The following DYSF variants were observed in gnomAD, a reference collection of about 807,000 sequenced individuals.
The protein encoded by DYSF is dysferlin.
A neutral mutation model predicts 274.9 loss-of-function variants in DYSF; 212 were observed. The observed-to-expected ratio is 0.77, with a 90% CI of 0.69 to 0.86. DYSF has a LOEUF of 0.86. Ranked by LOEUF, DYSF falls within the 40% of genes least tolerant of loss-of-function variation. The pLI is 0.00. For synonymous variants in DYSF, 1,091 were observed against 1,078.7 expected, an observed-to-expected ratio of 1.01 and a Z score of -0.22; for missense variants, 2,666 against 2,783.2, an observed-to-expected ratio of 0.96 and a Z score of 0.95.
chr2:71,683,300 C>T (rs891220555), intron 55 of DYSF, among the ~76,000 whole-genome samples: 1 of 152,116 alleles, frequency 6.6e-6, no homozygotes, highest in African/African-American at 2.4e-5. Context: ...AATTGATGAG[C>T]TTGTGGGGCC....
chr2:71,466,982 T>C, intron 1 of DYSF, 49 bp downstream of exon 1: 1 of 1,535,880 alleles, frequency 6.5e-7, no homozygotes, highest in Non-Finnish European at 8.8e-7. Flanking sequence ...TACCCGACTC[T>C]CGGCGCTCAC....
rs73941463 is a variant in DYSF, at chr2:71,545,382, C to T, written c.1577-5659C>T. ...CTGATTTCCTTGTTGGAACTTTGGA[C>T]TAGTCCCAGAAACGACCTTCCTGAA... On this transcript the variant is annotated intron_variant, in intron 17 of 55. Coordinates refer to ENST00000410020, the MANE Select transcript of DYSF (RefSeq NM_001130987.2). 5.4e-3 allele frequency among the ~76,000 whole-genome samples: 825 copies of T among 152,318 alleles called. 10 individuals carry two copies. The highest frequency in any genetic ancestry group is 0.019 in the African/African-American group (787 of 41,564).
At position 71,567,071 on chromosome 2, in the gene DYSF, G is replaced by A. The variant is rs73942331; in HGVS notation, c.2566-880G>A. Among the ~76,000 whole-genome samples the A allele has an allele frequency of 4.7e-3, 720 of 152,358 alleles. 7 individuals carry two copies. Among genetic ancestry groups the A allele is most frequent in the African/African-American group, 0.016 (672 of 41,572 alleles). Reference sequence around the variant, plus strand: ...ACTTAATGTGTTGCCTCCTCTAGGGGACAATGTGAATTTTAAGAGCAGGAG... The same window carrying A: ...ACTTAATGTGTTGCCTCCTCTAGGGAACAATGTGAATTTTAAGAGCAGGAG... On this transcript the variant is annotated intron_variant, in intron 24 of 55. Transcript: ENST00000410020.
chr2:71,612,794 C>T lies in DYSF; in HGVS notation c.4375C>T (p.Gln1459Ter). 6.2e-7 allele frequency: 1 copy of T among 1,612,260 alleles called. No homozygotes were observed. Among genetic ancestry groups the T allele is most frequent in the East Asian group, 2.2e-5 (1 of 44,826 alleles). ...DPYSAESPSP[Q>*]GGPDDVSLLS... ...CTACTCGGCGGAGAGTCCATCCCCACAGGGTGGCCCAGGTAGGGGAAGGGG... is the reference window on the plus strand; with the variant it reads ...CTACTCGGCGGAGAGTCCATCCCCATAGGGTGGCCCAGGTAGGGGAAGGGG... Residue 1459 changes from glutamine (Q) to a stop codon, truncating the protein, a stop_gained, in exon 39 of 56, where the codon CAG (glutamine) becomes TAG (stop). Coordinates refer to ENST00000410020, the MANE Select transcript of DYSF (RefSeq NM_001130987.2). LOFTEE classifies it high-confidence loss of function.
chr2:71,669,545 A>T, intron 50 of DYSF, 60 bp from the exon 51 acceptor site: 1 of 1,603,988 alleles, frequency 6.2e-7, no homozygotes, highest in Non-Finnish European at 8.5e-7. Flanking sequence ...TAAGTTGACG[A>T]TGTATATACT....
intron 8 of DYSF, 49 bp downstream of exon 8, chr2:71,515,800 C>T: frequency 6.2e-7 from 1 of 1,611,946 alleles, no homozygotes; most frequent in South Asian, 1.1e-5. Flanking sequence ...GCCTTCCAAT[C>T]TGGAAGCCCA....
intron 10 of DYSF, 88 bp from the exon 11 acceptor site, chr2:71,520,090 G>T: frequency 2.0e-6 from 3 of 1,515,212 alleles, no homozygotes; most frequent in Admixed American, 1.7e-5. Flanking sequence ...CAAAAACATG[G>T]TTTTTAATGG....
intron 42 of DYSF, among the ~76,000 whole-genome samples, chr2:71,649,229 A>C (rs2094615727): frequency 6.6e-6 from 1 of 152,158 alleles, no homozygotes; most frequent in South Asian, 2.1e-4. Flanking sequence ...ATAGGTAAGA[A>C]TGTAAATATC....
At chr2:71,597,384 C>T (rs940678433) in intron 32 of DYSF, among the ~76,000 whole-genome samples, 5 of 152,186 alleles carry the variant, frequency 3.3e-5, no homozygotes, top group African/African-American at 1.2e-4. Context: ...AAGGGAGTCC[C>T]CTTCTCCAAG....
rs1296456385 is a variant in DYSF at position 71,679,372 on chromosome 2, CT to C, written c.6063+138del. The C allele has an allele frequency of 1.0e-4, 90 of 877,880 alleles. 1 individual carries two copies. In the South Asian group the frequency reaches 1.4e-3, roughly 14 times the overall value. 54.4% of individuals were successfully genotyped at this position (877,880 alleles called of 1,614,324 possible). A position where few individuals can be genotyped will look rare whatever the true frequency, so the allele number is the denominator to read the frequency against. ...TCCCCCTCTCCTGCCCCCATCCCCC[CT>C]CTCTCTCTATTTTCCAAGGCATTCT... On this transcript the variant is annotated intron_variant, in intron 53 of 55. Transcript: ENST00000410020.
chr2:71,464,935 A>C (rs2081436692), upstream of DYSF, among the ~76,000 whole-genome samples: 1 of 151,732 alleles, frequency 6.6e-6, no homozygotes, highest in Admixed American at 6.6e-5. Context: ...GGAGAGTGGG[A>C]GGGGGATTTG....
At chr2:71,557,901 G>A (rs1016867611) in intron 22 of DYSF, among the ~76,000 whole-genome samples, 3 of 152,044 alleles carry the variant, frequency 2.0e-5, no homozygotes, top group Non-Finnish European at 2.9e-5. Context: ...GTGTGGTGGC[G>A]GGTGCCTGTA....
chr2:71,537,461 G>C (rs1161390796), intron 16 of DYSF, among the ~76,000 whole-genome samples: 1 of 152,052 alleles, frequency 6.6e-6, no homozygotes, highest in African/African-American at 2.4e-5. Context: ...GGCCAGGCTG[G>C]TCTTGAACTC....
At chr2:71,566,233 C>CGGGGG (rs1176125088) in intron 24 of DYSF, among the ~76,000 whole-genome samples, 2 of 75,356 alleles carry the variant, frequency 2.7e-5, no homozygotes, top group South Asian at 4.9e-4. Context: ...GGGGGCGGGG[C>CGGGGG]GGGGGGTGCT....
chr2:71,651,610 T>G (rs1466292456), intron 42 of DYSF, among the ~76,000 whole-genome samples: 3 of 152,146 alleles, frequency 2.0e-5, no homozygotes, highest in African/African-American at 7.2e-5. Flanking sequence ...CTGTGCTATA[T>G]GTAGTATTTC....
intron 30 of DYSF, among the ~76,000 whole-genome samples, chr2:71,578,000 G>T (rs530466128): frequency 6.6e-6 from 1 of 152,286 alleles, no homozygotes; most frequent in Non-Finnish European, 1.5e-5. Context: ...GGTCACTCAT[G>T]CCATTAGCAA....
Position 71,515,710 on chromosome 2 carries a change from C to T in DYSF, c.847C>T (p.Arg283Trp), listed in dbSNP as rs769180834. The T allele has an allele frequency of 9.1e-5, 147 of 1,613,954 alleles. No homozygotes were observed. Among genetic ancestry groups the T allele is most frequent in the Non-Finnish European group, 1.2e-4 (136 of 1,180,028 alleles). ...VKVTAAGQTK[R>W]TRIHKGNSPL... ...GGTTACCGCTGCAGGGCAGACCAAGCGGACGCGGATCCACAAGGGAAACAG... is the reference window on the plus strand; with the variant it reads ...GGTTACCGCTGCAGGGCAGACCAAGTGGACGCGGATCCACAAGGGAAACAG... The change falls in exon 8 of 56, where the codon CGG becomes TGG. Residue 283 changes from arginine (R) to tryptophan (W), a missense_variant. By Grantham distance (101) the Arg-to-Trp change is moderately radical. Transcript: ENST00000410020.
Position 71,535,267 on chromosome 2 carries a change from G to C in DYSF, c.1450-1G>C. 6.2e-7 allele frequency: 1 copy of C among 1,614,062 alleles called. No individual in the cohort carries two copies. The highest frequency in any genetic ancestry group is 8.5e-7 in the Non-Finnish European group (1 of 1,179,946). On this transcript the variant is annotated splice_acceptor_variant, in intron 15 of 55. Transcript: ENST00000410020. LOFTEE classifies it high-confidence loss of function. ...CCAACACGCCTCTATTCCTTCCTCA[G>C]TTTCCCTCCATGTGCGAAAAAATGA... is the stretch of plus-strand genomic sequence containing the variant.
At chr2:71,633,437 T>C (rs1313741389) in intron 41 of DYSF, among the ~76,000 whole-genome samples, 2 of 152,158 alleles carry the variant, frequency 1.3e-5, no homozygotes, top group African/African-American at 4.8e-5. Flanking sequence ...AGCTATGGGG[T>C]AGCAGTACTG....
Sources: gnomAD v4.1 joint callset for allele counts (sites outside exome capture counted in the v4.1 genomes callset) on GRCh38, gnomAD v4.1.1 for gene constraint, MANE v1.5 for transcripts, NCBI Gene and HGNC (gene_info 2026-07-23, HGNC 2026-07-21) for gene names.